The following SMIM14 variants were observed in gnomAD, a reference collection of about 807,000 sequenced individuals.
SMIM14 encodes small integral membrane protein 14, also known as chromosome 4 open reading frame 34.
Under a neutral mutation model 12.6 loss-of-function variants are expected in SMIM14, and 5 were observed. The observed-to-expected ratio is 0.40, with a 90% confidence interval of 0.21 to 0.83. The LOEUF is 0.83. Among genes scored for constraint, SMIM14 ranks in the 40% least tolerant of loss-of-function variants. SMIM14 has a pLI of 0.37. For missense variants in SMIM14, 86 were observed against 119.1 expected (o/e 0.72, Z 1.29); for synonymous variants, 30 against 40.1 (o/e 0.75, Z 0.95).
intron 1 of SMIM14, among the ~76,000 whole-genome samples, chr4:39,620,180 A>G (rs1281853004): frequency 8.8e-6 from 1 of 113,456 alleles, no homozygotes; most frequent in African/African-American, 2.9e-5. Context: ...CTCTATTAAG[A>G]AAAAAAAAAA....
At chr4:39,583,842 C>T (rs1207261119) in intron 2 of SMIM14, 7 of 152,128 alleles carry the variant, frequency 4.6e-5, no homozygotes, top group Non-Finnish European at 7.3e-5. Context: ...TCTTTCAATG[C>T]TGCACCAGTA....
chr4:39,583,866 C>A (rs760445228), intron 2 of SMIM14: 2 of 152,044 alleles, frequency 1.3e-5, no homozygotes, highest in African/African-American at 4.8e-5. Flanking sequence ...CATTTAATTT[C>A]ATCATTTCCA....
chr4:39,563,301 A>T (rs1381613469), intron 3 of SMIM14, among the ~76,000 whole-genome samples: 1 of 152,108 alleles, frequency 6.6e-6, no homozygotes, highest in Non-Finnish European at 1.5e-5. Context: ...ATCTCAGGTG[A>T]TCCACTCACC....
chr4:39,580,408 A>G (rs550456846), intron 2 of SMIM14, among the ~76,000 whole-genome samples: 1 of 152,210 alleles, frequency 6.6e-6, no homozygotes, highest in Non-Finnish European at 1.5e-5. Flanking sequence ...TCCAACTTCT[A>G]GGCTCAAGGA....
chr4:39,606,329 C>T (rs1485531524), intron 1 of SMIM14, among the ~76,000 whole-genome samples: 2 of 142,886 alleles, frequency 1.4e-5, no homozygotes, highest in Non-Finnish European at 3.0e-5. Context: ...CTGGGCAACA[C>T]AGTGAGTTCA....
chr4:39,609,810 G>A (rs1358078270), intron 1 of SMIM14, among the ~76,000 whole-genome samples: 1 of 152,216 alleles, frequency 6.6e-6, no homozygotes, highest in Non-Finnish European at 1.5e-5. Context: ...ACAGTAGGTA[G>A]AGGGAACCTA....
At chr4:39,588,965 T>C (rs895812478) in intron 2 of SMIM14, among the ~76,000 whole-genome samples, 1 of 152,186 alleles carries the variant, frequency 6.6e-6, no homozygotes, top group Admixed American at 6.5e-5. Context: ...CCGATGGGCC[T>C]TAAAGTGATT....
intron 3 of SMIM14, among the ~76,000 whole-genome samples, chr4:39,566,324 GTTGAAT>G (rs147802931): frequency 8.8e-4 from 134 of 152,096 alleles, no homozygotes; most frequent in African/African-American, 3.1e-3. Context: ...TTCTGAAGAT[GTTGAAT>G]TTGAGGTGCC....
At chr4:39,556,018 CA>C (rs1194931654) in intron 4 of SMIM14, among the ~76,000 whole-genome samples, 10 of 152,012 alleles carry the variant, frequency 6.6e-5, no homozygotes, top group South Asian at 2.1e-4. Flanking sequence ...CAAAAAAATA[CA>C]AAAAACTAGC....
Position 39,586,182 on chromosome 4 carries a change from G to A in SMIM14, c.76-13719C>T, listed in dbSNP as rs141752307. Among the ~76,000 whole-genome samples, 216 of 152,084 alleles carry A rather than the reference G, an allele frequency of 1.4e-3. 1 individual carries two copies. The highest frequency in any genetic ancestry group is 5.1e-3 in the African/African-American group (210 of 41,430). On this transcript the variant is annotated intron_variant, in intron 2 of 4. Transcript: ENST00000295958. ...TGTGAACTTTCTTACTTTTTGTTATGTGGACAGGCTGAGAATTTTCCAAAT... is the reference window on the plus strand; with the variant it reads ...TGTGAACTTTCTTACTTTTTGTTATATGGACAGGCTGAGAATTTTCCAAAT...
At chr4:39,557,538 T>G (rs576347649) in intron 3 of SMIM14, among the ~76,000 whole-genome samples, 2 of 152,278 alleles carry the variant, frequency 1.3e-5, no homozygotes, top group African/African-American at 4.8e-5. Flanking sequence ...GTTTGTAGAT[T>G]AATGAGGCTA....
At position 39,619,744 on chromosome 4, in the gene SMIM14, ATATAATTTAT is replaced by A. The variant is rs1297309709; in HGVS notation, c.-35-14574_-35-14565del. Among the ~76,000 whole-genome samples the A allele has an allele frequency of 7.5e-4, 73 of 96,794 alleles. 1 individual carries two copies. Among genetic ancestry groups the A allele is most frequent in the African/African-American group, 2.5e-3 (64 of 25,446 alleles). 63.5% of individuals were successfully genotyped at this position (96,794 alleles called of 152,430 possible). A position where few individuals can be genotyped will look rare whatever the true frequency, so the allele number is the denominator to read the frequency against. The stretch of plus-strand genomic sequence containing the variant: ...TAAATATAATTATATATATCAATAA[ATATAATTTAT>A]TATATATATATCAATAAATAATTTA... On this transcript the variant is annotated intron_variant, in intron 1 of 4. Coordinates refer to ENST00000295958, the MANE Select transcript of SMIM14 (RefSeq NM_174921.3).
At chr4:39,633,347 C>T (rs182953293) in intron 1 of SMIM14, among the ~76,000 whole-genome samples, 1 of 152,098 alleles carries the variant, frequency 6.6e-6, no homozygotes, top group South Asian at 2.1e-4. Flanking sequence ...ATTAGACTGG[C>T]TGCTGTAATT....
rs1712018701 is a variant in SMIM14, at chr4:39,556,459, CT to C, written c.235del (p.Ser79AlafsTer69). 6.2e-7 allele frequency: 1 copy of C among 1,612,778 alleles called. No individual in the cohort carries two copies. Among genetic ancestry groups the C allele is most frequent in the African/African-American group, 1.3e-5 (1 of 74,864 alleles). ...LLRPPNLRGS[S>X]LPGKPTSPHN... ...AGGACTGGTTGGCTTTCCAGGTAGG[CT>C]GGATCCTCTTAGATTAGGAGGTCTC... On this transcript the variant is annotated frameshift_variant, in exon 4 of 5. Coordinates refer to ENST00000295958, the MANE Select transcript of SMIM14 (RefSeq NM_174921.3). LOFTEE classifies it high-confidence loss of function.
chr4:39,637,719 C>T (rs910928696), intron 1 of SMIM14, among the ~76,000 whole-genome samples: 4 of 152,184 alleles, frequency 2.6e-5, no homozygotes, highest in Non-Finnish European at 2.9e-5. Context: ...GCCAGCCACC[C>T]TAAGTGGAAG....
intron 1 of SMIM14, among the ~76,000 whole-genome samples, chr4:39,628,172 C>T (rs139754941): frequency 0.02 from 2,966 of 151,024 alleles, 109 homozygotes; most frequent in African/African-American, 0.063. Flanking sequence ...CCAGGTGTGG[C>T]GGCACATGCC....
At chr4:39,616,724 T>C (rs1046340372) in intron 1 of SMIM14, among the ~76,000 whole-genome samples, 12 of 151,718 alleles carry the variant, frequency 7.9e-5, no homozygotes, top group Non-Finnish European at 1.6e-4. Flanking sequence ...GATTTTTTCC[T>C]TATTTTTCTC....
intron 3 of SMIM14, among the ~76,000 whole-genome samples, chr4:39,562,607 G>A (rs1175306529): frequency 6.6e-6 from 1 of 152,034 alleles, no homozygotes; most frequent in African/African-American, 2.4e-5. Flanking sequence ...TCTCACCTTA[G>A]CCTCCTGAGT....
intron 2 of SMIM14, among the ~76,000 whole-genome samples, chr4:39,584,558 G>A (rs1713688995): frequency 6.8e-6 from 1 of 146,076 alleles, no homozygotes; most frequent in Admixed American, 7.1e-5. Context: ...TAATTTAGGA[G>A]GCCTAGGTGG....
Sources: gnomAD v4.1 joint callset for allele counts (sites outside exome capture counted in the v4.1 genomes callset) on GRCh38, gnomAD v4.1.1 for gene constraint, MANE v1.5 for transcripts, NCBI Gene and HGNC (gene_info 2026-07-23, HGNC 2026-07-21) for gene names.